Variants in MAD1L1 observed in about 807,000 individuals in gnomAD.
MAD1L1 encodes the protein mitotic spindle assembly checkpoint protein MAD1.
MAD1L1 carries 95 observed loss-of-function variants against 96.9 expected under a neutral mutation model. The ratio of observed to expected loss-of-function variants is 0.98; its 90% CI spans 0.83 to 1.16. The LOEUF (loss-of-function observed/expected upper bound fraction) is 1.16. Among genes scored for constraint, MAD1L1 ranks in the 50% most tolerant of loss-of-function variants. The pLI, the probability that MAD1L1 is intolerant of heterozygous loss-of-function variation, is 0.00. For missense variants in MAD1L1, 1,007 were observed against 954.4 expected, an observed-to-expected ratio of 1.06 and a Z score of -0.73; for synonymous variants, 473 against 396.6, an observed-to-expected ratio of 1.19 and a Z score of -2.29.
intron 18 of MAD1L1, among the ~76,000 whole-genome samples, chr7:1,888,837 C>T (rs1786354877): frequency 6.6e-6 from 1 of 152,200 alleles, no homozygotes; most frequent in African/African-American, 2.4e-5. Context: ...GTATTTGTGT[C>T]CATGTGTCAG....
chr7:1,865,551 A>T (rs1017099647), intron 18 of MAD1L1, among the ~76,000 whole-genome samples: 1 of 152,246 alleles, frequency 6.6e-6, no homozygotes, highest in Admixed American at 6.5e-5. Context: ...AGATGGGAAG[A>T]TGAGTCTTTT....
chr7:2,104,861 G>A (rs1787007002), intron 11 of MAD1L1, among the ~76,000 whole-genome samples: 3 of 152,210 alleles, frequency 2.0e-5, no homozygotes, highest in Non-Finnish European at 4.4e-5. Flanking sequence ...TCAGCCTGCA[G>A]CTGCCTCTCC....
chr7:1,908,974 G>A (rs1372593478), intron 17 of MAD1L1, among the ~76,000 whole-genome samples: 1 of 152,212 alleles, frequency 6.6e-6, no homozygotes, highest in Non-Finnish European at 1.5e-5. Flanking sequence ...CTGGGAGGCT[G>A]CCAGCATTGG....
chr7:2,180,278 G>A (rs1791140779), intron 10 of MAD1L1, among the ~76,000 whole-genome samples: 1 of 152,214 alleles, frequency 6.6e-6, no homozygotes, highest in Non-Finnish European at 1.5e-5. Flanking sequence ...GAGCAAGCAG[G>A]AAATGAGGGC....
At chr7:1,937,519 C>T (rs1350344398) in intron 16 of MAD1L1, among the ~76,000 whole-genome samples, 1 of 151,848 alleles carries the variant, frequency 6.6e-6, no homozygotes, top group Admixed American at 6.5e-5. Flanking sequence ...GGGTGACCGA[C>T]CCCCAGCAAC....
At chr7:2,213,093 C>G (rs559128241) in intron 10 of MAD1L1, 119 bp downstream of exon 10, 1 of 1,049,916 alleles carries the variant, frequency 9.5e-7, no homozygotes, top group African/African-American at 1.6e-5. Context: ...ACAAATGCCC[C>G]GCACCAGCCA....
At chr7:2,056,211 G>A (rs1382206122) in intron 12 of MAD1L1, among the ~76,000 whole-genome samples, 9 of 152,212 alleles carry the variant, frequency 5.9e-5, no homozygotes, top group South Asian at 2.1e-4. Context: ...CAGGTACTGG[G>A]TGTTATAAAT....
chr7:2,128,848 C>T (rs1788366486), intron 11 of MAD1L1, among the ~76,000 whole-genome samples: 3 of 152,224 alleles, frequency 2.0e-5, no homozygotes, highest in Non-Finnish European at 2.9e-5. Flanking sequence ...AAGGCCCCAT[C>T]TTCAGCTCAC....
chr7:2,069,091 C>G, intron 12 of MAD1L1, 103 bp downstream of exon 12: 2 of 1,414,684 alleles, frequency 1.4e-6, no homozygotes, highest in Non-Finnish European at 1.9e-6. Flanking sequence ...CAACCCTGAC[C>G]CGGCTGCAGC....
chr7:1,906,171 G>T (rs1787618595), intron 17 of MAD1L1, among the ~76,000 whole-genome samples: 1 of 152,156 alleles, frequency 6.6e-6, no homozygotes, highest in African/African-American at 2.4e-5. Flanking sequence ...GGCCCACGTG[G>T]GAAGACCCCA....
chr7:2,077,791 G>A (rs1451552113), intron 11 of MAD1L1, among the ~76,000 whole-genome samples: 1 of 152,214 alleles, frequency 6.6e-6, no homozygotes, highest in Admixed American at 6.5e-5. Flanking sequence ...GCACCCACAG[G>A]TTCTGAAAGA....
intron 11 of MAD1L1, among the ~76,000 whole-genome samples, chr7:2,140,311 C>T (rs1050597183): frequency 2.0e-5 from 3 of 152,194 alleles, no homozygotes; most frequent in Admixed American, 6.5e-5. Context: ...AGCCCCCGTC[C>T]GCCCTGCACA....
chr7:2,055,715 A>T (rs1784360533), intron 12 of MAD1L1, among the ~76,000 whole-genome samples: 1 of 150,986 alleles, frequency 6.6e-6, no homozygotes, highest in Non-Finnish European at 1.5e-5. Context: ...ACAGTGGCTC[A>T]CAGCTGTAAT....
chr7:1,888,853 G>C (rs1583668585), intron 18 of MAD1L1, among the ~76,000 whole-genome samples: 1 of 152,232 alleles, frequency 6.6e-6, no homozygotes, highest in African/African-American at 2.4e-5. Flanking sequence ...GTCAGTGGGA[G>C]CGTGCATGAT....
rs79091387 is a variant in MAD1L1, at chr7:2,100,313, T to G, written c.1074-30975A>C. Among the ~76,000 whole-genome samples the G allele has an allele frequency of 2.0e-4, 31 of 152,344 alleles. 1 individual carries two copies. In the East Asian group the frequency reaches 6.0e-3, roughly 29 times the overall value. On this transcript the variant is annotated intron_variant, in intron 11 of 18. Transcript: ENST00000265854. ...GCGTTCTCCTTTACTCTTGAAACTC[T>G]ATGGCAGAAAGCACGGCCTTTTGAC...
intron 11 of MAD1L1, among the ~76,000 whole-genome samples, chr7:2,071,936 C>T (rs1785151219): frequency 6.6e-6 from 1 of 152,220 alleles, no homozygotes; most frequent in South Asian, 2.1e-4. Flanking sequence ...GCACCCTTCC[C>T]CCACATCTCG....
chr7:1,973,161 C>T (rs996818756), intron 15 of MAD1L1, among the ~76,000 whole-genome samples: 7 of 152,178 alleles, frequency 4.6e-5, no homozygotes, highest in Admixed American at 6.5e-5. Context: ...TTAGGTCCTG[C>T]GGGCTGATGA....
intron 17 of MAD1L1, among the ~76,000 whole-genome samples, chr7:1,928,158 G>A (rs533900956): frequency 8.1e-5 from 12 of 148,356 alleles, no homozygotes; most frequent in African/African-American, 2.2e-4. Flanking sequence ...AGCCCATGAC[G>A]GAACTCCCGC....
At chr7:2,166,067 G>A (rs1009596981) in intron 10 of MAD1L1, among the ~76,000 whole-genome samples, 1 of 152,214 alleles carries the variant, frequency 6.6e-6, no homozygotes, top group Non-Finnish European at 1.5e-5. Context: ...GTTCTCCCAT[G>A]TGGAAACTTC....
Sources: gnomAD v4.1 joint callset for allele counts (sites outside exome capture counted in the v4.1 genomes callset) on GRCh38, gnomAD v4.1.1 for gene constraint, MANE v1.5 for transcripts, NCBI Gene and HGNC (gene_info 2026-07-23, HGNC 2026-07-21) for gene names.